Variants in PTPRD observed in about 807,000 individuals in gnomAD.
PTPRD encodes protein tyrosine phosphatase receptor type D, also known as receptor-type tyrosine-protein phosphatase delta.
A neutral mutation model predicts 214.5 loss-of-function variants in PTPRD; 34 were observed. The ratio of observed to expected loss-of-function variants is 0.16; its 90% CI spans 0.12 to 0.21. The LOEUF is 0.21. Among genes scored for constraint, PTPRD ranks in the 10% least tolerant of loss-of-function variants. The probability of loss-of-function intolerance (pLI) is 1.00; values close to 1 mark genes in which losing one functional copy is unlikely to be tolerated. For synonymous variants in PTPRD, 1,128 were observed against 845.7 expected, an observed-to-expected ratio of 1.33 and a Z score of -5.79; for missense variants, 2,545 against 2,398.7, an observed-to-expected ratio of 1.06 and a Z score of -1.27.
At chr9:9,936,471 A>G (rs1232344027) in intron 5 of PTPRD, among the ~76,000 whole-genome samples, 9 of 150,652 alleles carry the variant, frequency 6.0e-5, no homozygotes, top group Non-Finnish European at 7.4e-5. Context: ...AACACATGAA[A>G]AAATGCTCAC....
At chr9:10,231,082 G>T (rs192369075) in intron 3 of PTPRD, among the ~76,000 whole-genome samples, 2 of 151,998 alleles carry the variant, frequency 1.3e-5, no homozygotes, top group Non-Finnish European at 1.5e-5. Flanking sequence ...GCCTGAAATG[G>T]AAAAGCTTCA....
rs192242645 is a variant in PTPRD, at chr9:9,947,072, G to C, written c.-471-8462C>G. Among the ~76,000 whole-genome samples, 855 of 150,508 alleles carry C rather than the reference G, an allele frequency of 5.7e-3. 12 individuals carry two copies. Among genetic ancestry groups the C allele is most frequent in the African/African-American group, 0.019 (789 of 41,042 alleles). ...CCAAGAGCCCCAAAATACCACAAAAGAAATGATCTTTTTATAAAAAATAAC... is the reference window on the plus strand; with the variant it reads ...CCAAGAGCCCCAAAATACCACAAAACAAATGATCTTTTTATAAAAAATAAC... On this transcript the variant is annotated intron_variant, in intron 4 of 45. Transcript: ENST00000381196.
rs1435413290 is a variant in PTPRD, at chr9:9,829,018, ATTATT to A, written c.-367-62172_-367-62168del. ...CATCTGAAATGAGTTGATACAAATT[ATTATT>A]TTACTACTGATGCATCCTGATGTTT... On this transcript the variant is annotated intron_variant, in intron 5 of 45. Transcript: ENST00000381196. Among the ~76,000 whole-genome samples the A allele has an allele frequency of 2.0e-5, 3 of 151,906 alleles. No individual in the cohort carries two copies. In the East Asian group the frequency reaches 5.8e-4, roughly 29 times the overall value.
intron 2 of PTPRD, among the ~76,000 whole-genome samples, chr9:10,590,916 T>G (rs2075282798): frequency 6.6e-6 from 1 of 150,554 alleles, no homozygotes. Context: ...ATATATAAAT[T>G]ATATAAATAT....
intron 12 of PTPRD, among the ~76,000 whole-genome samples, chr9:8,644,809 C>T (rs913712518): frequency 6.6e-6 from 1 of 152,218 alleles, no homozygotes; most frequent in South Asian, 2.1e-4. Flanking sequence ...TCACACACCC[C>T]TTGCCATTCC....
chr9:9,268,403 GA>G (rs961787382), intron 9 of PTPRD, among the ~76,000 whole-genome samples: 24 of 148,994 alleles, frequency 1.6e-4, no homozygotes, highest in South Asian at 2.1e-4. Flanking sequence ...GTGATGGATT[GA>G]AAAAAAAATC....
At chr9:8,504,838 A>G (rs1353248467) in intron 22 of PTPRD, among the ~76,000 whole-genome samples, 1 of 152,214 alleles carries the variant, frequency 6.6e-6, no homozygotes, top group Admixed American at 6.5e-5. Flanking sequence ...ATCTCCCATG[A>G]CCTTCTGAAA....
chr9:8,865,871 A>C (rs1289808059), intron 11 of PTPRD, among the ~76,000 whole-genome samples: 1 of 152,192 alleles, frequency 6.6e-6, no homozygotes, highest in Non-Finnish European at 1.5e-5. Flanking sequence ...GAATAATAAT[A>C]GAGTCTAACG....
chr9:8,493,470 C>T (rs2097191439), intron 26 of PTPRD, among the ~76,000 whole-genome samples: 1 of 152,034 alleles, frequency 6.6e-6, no homozygotes, highest in East Asian at 1.9e-4. Context: ...AACCCACAGA[C>T]TACAGATGGG....
intron 5 of PTPRD, among the ~76,000 whole-genome samples, chr9:9,805,192 A>G (rs2099065210): frequency 6.6e-6 from 1 of 152,152 alleles, no homozygotes; most frequent in African/African-American, 2.4e-5. Flanking sequence ...CAAATGTCTC[A>G]ATAACCCCCA....
intron 2 of PTPRD, among the ~76,000 whole-genome samples, chr9:10,366,869 A>G (rs77723114): frequency 0.019 from 2,943 of 152,244 alleles, 82 homozygotes; most frequent in African/African-American, 0.065. Context: ...TCACTCTTTG[A>G]AGAGAAGACT....
At chr9:10,593,296 C>A (rs114201603) in intron 2 of PTPRD, among the ~76,000 whole-genome samples, 5 of 151,932 alleles carry the variant, frequency 3.3e-5, no homozygotes, top group South Asian at 2.1e-4. Flanking sequence ...CCAGGAGATA[C>A]CCATGCTGCT....
intron 8 of PTPRD, among the ~76,000 whole-genome samples, chr9:9,465,390 T>C (rs1299382078): frequency 6.6e-6 from 1 of 152,204 alleles, no homozygotes; most frequent in East Asian, 1.9e-4. Flanking sequence ...AGATGGTATT[T>C]TATAAGGCTA....
At chr9:9,052,268 C>T (rs545583643) in intron 10 of PTPRD, among the ~76,000 whole-genome samples, 4 of 152,122 alleles carry the variant, frequency 2.6e-5, no homozygotes, top group Non-Finnish European at 5.9e-5. Flanking sequence ...AAGGCCCCCA[C>T]CTCCTAATAT....
chr9:8,535,288 G>C (rs2076657115), intron 14 of PTPRD, among the ~76,000 whole-genome samples: 1 of 151,898 alleles, frequency 6.6e-6, no homozygotes, highest in Non-Finnish European at 1.5e-5. Flanking sequence ...AACTGCAAAT[G>C]AGAAATTATT....
At chr9:9,983,049 A>C (rs2095597785) in intron 4 of PTPRD, among the ~76,000 whole-genome samples, 1 of 104,432 alleles carries the variant, frequency 9.6e-6, no homozygotes, top group Admixed American at 1.1e-4. Flanking sequence ...AAATACTTAA[A>C]TATGTTATAC....
At chr9:10,408,677 C>A (rs372144262) in intron 2 of PTPRD, among the ~76,000 whole-genome samples, 1 of 151,692 alleles carries the variant, frequency 6.6e-6, no homozygotes, top group African/African-American at 2.4e-5. Context: ...AGGCATGACT[C>A]TTCTTTGCAT....
chr9:9,686,838 T>C (rs929342615), intron 7 of PTPRD, among the ~76,000 whole-genome samples: 5 of 151,712 alleles, frequency 3.3e-5, no homozygotes, highest in East Asian at 3.9e-4. Context: ...CTTAACTACA[T>C]TGAGACCAAA....
chr9:9,853,496 G>T (rs1313155637), intron 5 of PTPRD, among the ~76,000 whole-genome samples: 1 of 152,002 alleles, frequency 6.6e-6, no homozygotes, highest in Non-Finnish European at 1.5e-5. Flanking sequence ...TAGTGGTAGT[G>T]GCTTATGCAA....
Sources: gnomAD v4.1 joint callset for allele counts (sites outside exome capture counted in the v4.1 genomes callset) on GRCh38, gnomAD v4.1.1 for gene constraint, MANE v1.5 for transcripts, NCBI Gene and HGNC (gene_info 2026-07-23, HGNC 2026-07-21) for gene names.